Variants in OIT3 observed in about 807,000 individuals in gnomAD.
The protein encoded by OIT3 is oncoprotein-induced transcript 3 protein.
OIT3 carries 41 observed loss-of-function variants against 52.2 expected under a neutral mutation model. The ratio of observed to expected loss-of-function variants is 0.79; its 90% CI spans 0.61 to 1.02. OIT3 has a LOEUF of 1.02. Among genes scored for constraint, OIT3 ranks in the 50% least tolerant of loss-of-function variants. The pLI, the probability that OIT3 is intolerant of heterozygous loss-of-function variation, is 0.00. For missense variants in OIT3, 634 were observed against 715.5 expected, an observed-to-expected ratio of 0.89 and a Z score of 1.30; for synonymous variants, 244 against 276.9, an observed-to-expected ratio of 0.88 and a Z score of 1.18.
chr10:72,902,126 T>C (rs1564590056), intron 3 of OIT3, among the ~76,000 whole-genome samples: 1 of 152,126 alleles, frequency 6.6e-6, no homozygotes, highest in Non-Finnish European at 1.5e-5. Context: ...CTGTGAAGCA[T>C]GTTTCGGCTC....
At position 72,930,627 on chromosome 10, in the gene OIT3, A is replaced by AG. The variant is rs766424280; in HGVS notation, c.1457_1458insG (p.Asp487ArgfsTer98). On this transcript the variant is annotated frameshift_variant, in exon 8 of 9. Transcript: ENST00000334011. LOFTEE classifies it high-confidence loss of function. ...GTCCCTGTCTTCAAGTTTGTGGGCA[A>AG]AGACCACAAGGTGAGTTGAACATCT... 5 of 1,605,404 alleles carry AG rather than the reference A, an allele frequency of 3.1e-6. No homozygotes were observed. The African/African-American group carries it at 6.7e-5, about 22-fold the overall frequency.
chr10:72,900,897 A>C (rs1700801337), intron 3 of OIT3, among the ~76,000 whole-genome samples: 1 of 152,104 alleles, frequency 6.6e-6, no homozygotes, highest in African/African-American at 2.4e-5. Flanking sequence ...GAAAAAACTC[A>C]TCTCTACAAA....
chr10:72,913,518 T>C (rs1846049004), intron 6 of OIT3, 50 bp downstream of exon 6: 1 of 1,427,306 alleles, frequency 7.0e-7, no homozygotes, highest in Non-Finnish European at 9.8e-7. Context: ...GCCGGTTATT[T>C]GGGAGGCAGT....
intron 6 of OIT3, among the ~76,000 whole-genome samples, 187 bp from the exon 7 acceptor site, chr10:72,924,042 A>G (rs1212249558): frequency 7.5e-6 from 1 of 132,916 alleles, no homozygotes; most frequent in Non-Finnish European, 1.5e-5. Context: ...GACTCTTAAC[A>G]GTCAGGATGG....
chr10:72,932,319 A>C, intron 8 of OIT3, 35 bp from the exon 9 acceptor site: 2 of 1,602,752 alleles, frequency 1.2e-6, no homozygotes, highest in Non-Finnish European at 1.7e-6. Flanking sequence ...GGCAGCAGTT[A>C]TTGTTTTTAT....
intron 1 of OIT3, among the ~76,000 whole-genome samples, chr10:72,898,074 G>C (rs1234650642): frequency 6.6e-6 from 1 of 151,268 alleles, no homozygotes; most frequent in Non-Finnish European, 1.5e-5. Flanking sequence ...CTTGAGCCCA[G>C]GAGTTCAAAA....
chr10:72,925,763 C>A (rs1456310204), intron 7 of OIT3, among the ~76,000 whole-genome samples: 1 of 152,158 alleles, frequency 6.6e-6, no homozygotes, highest in Non-Finnish European at 1.5e-5. Context: ...ATGCGCACGA[C>A]CATGCCCAGC....
At position 72,911,839 on chromosome 10, in the gene OIT3, G is replaced by A. The variant is rs1169817783; in HGVS notation, c.790G>A (p.Val264Ile). 5.0e-6 allele frequency: 8 copies of A among 1,612,504 alleles called. No homozygotes were observed. Among genetic ancestry groups the A allele is most frequent in the Non-Finnish European group, 5.9e-6 (7 of 1,179,336 alleles). Reference protein sequence around the residue: ...VLSEDNHTCQVPVLCKSNAIE... With the variant: ...VLSEDNHTCQIPVLCKSNAIE... ...GTCTGAGGATAACCACACTTGCCAA[G>A]GTAGTACATGGGGCAGGGGGACTTG... Residue 264 changes from valine to isoleucine, a missense_variant and splice_region_variant, in exon 5 of 9, where the codon GTC (valine) becomes ATC (isoleucine). Coordinates refer to ENST00000334011, the MANE Select transcript of OIT3 (RefSeq NM_152635.3).
In OIT3 at chr10:72,906,604, G is replaced by A. The variant is rs1014339422; in HGVS notation, c.553G>A (p.Glu185Lys). ...TGGTTTCTCTTCTGCAGATGAAAAT[G>A]AATGTGAGCAAAACAACGGTGGCTG... ...PDRQTCFDEN[E>K]CEQNNGGCSE... The change falls in exon 4 of 9, where the codon GAA becomes AAA. Residue 185 changes from glutamate to lysine, a missense_variant. By Grantham distance (56) the Glu-to-Lys change is moderately conservative. Coordinates refer to ENST00000334011, the MANE Select transcript of OIT3 (RefSeq NM_152635.3). The A allele has an allele frequency of 2.5e-6, 4 of 1,613,988 alleles. No homozygotes were observed. The highest frequency in any genetic ancestry group is 1.3e-5 in the African/African-American group (1 of 75,036).
chr10:72,918,508 C>T, intron 6 of OIT3: 1 of 1,403,424 alleles, frequency 7.1e-7, no homozygotes, highest in Non-Finnish European at 1.0e-6. Flanking sequence ...TCAGGAGGCT[C>T]ATGTCCATGT....
chr10:72,914,702 C>T (rs548326435), intron 6 of OIT3, among the ~76,000 whole-genome samples: 63 of 152,120 alleles, frequency 4.1e-4, no homozygotes, highest in Non-Finnish European at 6.8e-4. Context: ...GTCATGCTGC[C>T]GCAGTATCAC....
Position 72,924,433 on chromosome 10 carries a change from A to G in OIT3, c.1156A>G (p.Ile386Val). ...PLEIMSRNHG[I>V]FPFTLEIFKD... is the part of the protein sequence containing the mutation. Reference sequence around the variant, plus strand: ...GGAAATCATGAGCCGAAATCATGGGATCTTCCCATTCACTCTGGAGATCTT... The same window carrying G: ...GGAAATCATGAGCCGAAATCATGGGGTCTTCCCATTCACTCTGGAGATCTT... The change falls in exon 7 of 9, where the codon ATC (isoleucine) becomes GTC (valine). Residue 386 changes from isoleucine to valine, a missense_variant. By Grantham distance (29) the Ile-to-Val change is conservative. Coordinates refer to ENST00000334011, the MANE Select transcript of OIT3 (RefSeq NM_152635.3). 1 of 1,614,064 alleles carries G rather than the reference A, an allele frequency of 6.2e-7. No homozygotes were observed. Among genetic ancestry groups the G allele is most frequent in the Non-Finnish European group, 8.5e-7 (1 of 1,179,968 alleles).
chr10:72,912,406 G>A (rs1307839200), intron 5 of OIT3, among the ~76,000 whole-genome samples: 20 of 151,816 alleles, frequency 1.3e-4, no homozygotes, highest in Admixed American at 1.3e-3. Context: ...GAGTAGCTGG[G>A]ATTACAGGCG....
intron 6 of OIT3, among the ~76,000 whole-genome samples, chr10:72,923,866 C>T (rs1169234107): frequency 2.0e-5 from 3 of 152,180 alleles, no homozygotes; most frequent in Non-Finnish European, 4.4e-5. Flanking sequence ...AAACAGCCTC[C>T]CCCTCCCGCT....
rs992092175 is a variant in OIT3, at chr10:72,932,732, A to G, written c.*208A>G. Reference sequence around the variant, plus strand: ...AACAATGTGGCCTGGGTGGGGTTTCATCTTTCTAGGGTTGAAAACTAAACT... The same window carrying G: ...AACAATGTGGCCTGGGTGGGGTTTCGTCTTTCTAGGGTTGAAAACTAAACT... On this transcript the variant is annotated 3_prime_UTR_variant, in exon 9 of 9. Transcript: ENST00000334011. The G allele has an allele frequency of 8.3e-6, 4 of 479,134 alleles. No individual in the cohort carries two copies. Among genetic ancestry groups the G allele is most frequent in the African/African-American group, 4.0e-5 (2 of 50,014 alleles). 29.7% of individuals were successfully genotyped at this position (479,134 alleles called of 1,614,324 possible). A position where few individuals can be genotyped will look rare whatever the true frequency, so the allele number is the denominator to read the frequency against.
chr10:72,913,384 G>C lies in OIT3; in HGVS notation c.867G>C (p.Leu289=). 1 of 1,613,736 alleles carries C rather than the reference G, an allele frequency of 6.2e-7. No individual in the cohort carries two copies. Among genetic ancestry groups the C allele is most frequent in the Non-Finnish European group, 8.5e-7 (1 of 1,179,696 alleles). ...RELVGGLELF[L]TNTSCRGVSN... is the part of the protein sequence containing the mutation. ...TGGTTGGTGGCCTGGAGCTCTTCCTGACCAACACCTCCTGCCGAGGAGTGT... is the reference window on the plus strand; with the variant it reads ...TGGTTGGTGGCCTGGAGCTCTTCCTCACCAACACCTCCTGCCGAGGAGTGT... Residue 289 remains leucine, a synonymous_variant, in exon 6 of 9, where the codon CTG becomes CTC. Transcript: ENST00000334011.
chr10:72,905,646 C>T (rs937166387), intron 3 of OIT3, among the ~76,000 whole-genome samples: 17 of 152,108 alleles, frequency 1.1e-4, no homozygotes, highest in Non-Finnish European at 2.5e-4. Context: ...TTCCCCATAC[C>T]ATGTGGGAAG....
At chr10:72,911,263 G>A (rs1437824839) in intron 4 of OIT3, among the ~76,000 whole-genome samples, 1 of 152,140 alleles carries the variant, frequency 6.6e-6, no homozygotes, top group East Asian at 1.9e-4. Flanking sequence ...AGAGGGCCAG[G>A]TGACCCAGCC....
chr10:72,927,161 CAG>C (rs1316884496), intron 7 of OIT3, among the ~76,000 whole-genome samples: 1 of 152,002 alleles, frequency 6.6e-6, no homozygotes, highest in African/African-American at 2.4e-5. Flanking sequence ...CTTTTTGAGA[CAG>C]AGTCTCACTC....
Sources: allele counts gnomAD v4.1 joint callset (sites outside exome capture counted in the v4.1 genomes callset), GRCh38; gene constraint gnomAD v4.1.1; transcripts MANE v1.5; gene names NCBI Gene and HGNC (gene_info 2026-07-23, HGNC 2026-07-21).